TASP1: variants seen among roughly 807,000 people sequenced by gnomAD.
TASP1 encodes the protein taspase 1.
Under a neutral mutation model 56.6 loss-of-function variants are expected in TASP1, and 16 were observed. The observed-to-expected ratio is 0.28, with a 90% CI of 0.19 to 0.43. TASP1 has a LOEUF of 0.43. TASP1 is among the 20% of genes least tolerant of loss of function. The probability of loss-of-function intolerance (pLI) is 1.00; values close to 1 mark genes in which losing one functional copy is unlikely to be tolerated. For missense variants in TASP1, 393 were observed against 511.6 expected, an observed-to-expected ratio of 0.77 and a Z score of 2.24; for synonymous variants, 179 against 184.2, an observed-to-expected ratio of 0.97 and a Z score of 0.23.
chr20:13,246,061 C>T, the TASP1 span, among the ~76,000 whole-genome samples: 6 of 152,108 alleles, frequency 3.9e-5, no homozygotes, highest in East Asian at 3.9e-4. Flanking sequence ...TGAAGTCAGG[C>T]GTTCAAGACC....
At chr20:13,457,212 T>A (rs2043877117) in intron 11 of TASP1, among the ~76,000 whole-genome samples, 1 of 152,058 alleles carries the variant, frequency 6.6e-6, no homozygotes, top group Admixed American at 6.6e-5. Flanking sequence ...ATGGCACATG[T>A]ATACCTGTGT....
chr20:13,152,279 A>T, the TASP1 span, among the ~76,000 whole-genome samples: 1 of 152,182 alleles, frequency 6.6e-6, no homozygotes, highest in Non-Finnish European at 1.5e-5. Context: ...AGAGCTTATA[A>T]CAGTGGTGAC....
intron 11 of TASP1, among the ~76,000 whole-genome samples, chr20:13,452,935 AAAGGCTG>A (rs1444564229): frequency 1.3e-5 from 2 of 152,116 alleles, no homozygotes. Context: ...GGACCTAGAG[AAAGGCTG>A]AAGGCTGCGT....
the TASP1 span, among the ~76,000 whole-genome samples, chr20:13,318,136 A>AAAATAAATAAATAAATAAATAAATAAAT: frequency 3.2e-3 from 458 of 145,130 alleles, 2 homozygotes; most frequent in Non-Finnish European, 5.0e-3. Context: ...GACACTTGAA[A>AAAATAAATAAATAAATAAATAAATAAAT]AAATAAATAA....
the TASP1 span, among the ~76,000 whole-genome samples, chr20:13,292,217 G>A: frequency 1.3e-5 from 2 of 152,154 alleles, no homozygotes; most frequent in Non-Finnish European, 2.9e-5. Context: ...ACTACGACCT[G>A]CTTTTTACTG....
At chr20:13,323,540 T>C in the TASP1 span, among the ~76,000 whole-genome samples, 1 of 152,350 alleles carries the variant, frequency 6.6e-6, no homozygotes, top group East Asian at 1.9e-4. Context: ...AGTATGATAC[T>C]ATTCATATGA....
At chr20:13,114,503 T>C in the TASP1 span, among the ~76,000 whole-genome samples, 2 of 152,170 alleles carry the variant, frequency 1.3e-5, no homozygotes, top group African/African-American at 4.8e-5. Flanking sequence ...AATAGTCAGC[T>C]CTTCTAAAAC....
intron 10 of TASP1, among the ~76,000 whole-genome samples, chr20:13,496,876 TA>T (rs985027596): frequency 6.6e-6 from 1 of 152,118 alleles, no homozygotes; most frequent in African/African-American, 2.4e-5. Flanking sequence ...TCAATAAACC[TA>T]ATTCCAAAAA....
the TASP1 span, among the ~76,000 whole-genome samples, chr20:13,228,352 TATTA>T: frequency 0.025 from 3,791 of 152,296 alleles, 139 homozygotes; most frequent in African/African-American, 0.082. Flanking sequence ...AGAGAGAATT[TATTA>T]ATTATAAACT....
intron 5 of TASP1, among the ~76,000 whole-genome samples, chr20:13,582,581 AT>A (rs1258944926): frequency 6.6e-6 from 1 of 152,202 alleles, no homozygotes; most frequent in African/African-American, 2.4e-5. Flanking sequence ...AGCTATTCTA[AT>A]TAAAAAACAG....
chr20:13,328,252 A>G, the TASP1 span, among the ~76,000 whole-genome samples: 6 of 152,186 alleles, frequency 3.9e-5, no homozygotes, highest in Non-Finnish European at 7.3e-5. Context: ...TAAAACCACA[A>G]TGAGATACCA....
At chr20:13,638,523 G>A (rs1226715456) in intron 1 of TASP1, among the ~76,000 whole-genome samples, 1 of 152,040 alleles carries the variant, frequency 6.6e-6, no homozygotes, top group African/African-American at 2.4e-5. Context: ...CGCCACCCAG[G>A]ACAAGGCGCA....
chr20:13,525,172 C>A (rs1255618220), intron 10 of TASP1, among the ~76,000 whole-genome samples: 4 of 152,104 alleles, frequency 2.6e-5, no homozygotes, highest in Non-Finnish European at 5.9e-5. Flanking sequence ...CAATGAAATA[C>A]AGTAAGTATT....
chr20:13,147,362 G>A, the TASP1 span, among the ~76,000 whole-genome samples: 2 of 152,154 alleles, frequency 1.3e-5, no homozygotes, highest in Non-Finnish European at 2.9e-5. Context: ...GATTCTTGCT[G>A]CTCTGTAGCC....
chr20:13,394,247 C>T (rs1203074801), intron 13 of TASP1, among the ~76,000 whole-genome samples: 2 of 140,640 alleles, frequency 1.4e-5, no homozygotes, highest in African/African-American at 2.9e-5. Flanking sequence ...TCTCACTGCA[C>T]TCCACTGCAC....
chr20:13,202,015 A>G, the TASP1 span, among the ~76,000 whole-genome samples: 1 of 152,076 alleles, frequency 6.6e-6, no homozygotes, highest in Admixed American at 6.6e-5. Context: ...GGCCTTCCAC[A>G]GTGCTGGGAT....
intron 13 of TASP1, among the ~76,000 whole-genome samples, chr20:13,407,032 T>C (rs942474226): frequency 6.6e-6 from 1 of 152,170 alleles, no homozygotes; most frequent in African/African-American, 2.4e-5. Flanking sequence ...ACATATGGGT[T>C]TTCTCCTTTA....
the TASP1 span, among the ~76,000 whole-genome samples, chr20:13,195,030 G>C: frequency 6.6e-6 from 1 of 152,074 alleles, no homozygotes; most frequent in African/African-American, 2.4e-5. Flanking sequence ...TACCATTTGT[G>C]AGGACAGGAC....
intron 8 of TASP1, among the ~76,000 whole-genome samples, chr20:13,557,566 T>G (rs1290917566): frequency 6.7e-6 from 1 of 149,538 alleles, no homozygotes. Context: ...TATTACGATG[T>G]TTTTGGTTTT....
Sources: gnomAD v4.1 joint callset for allele counts (sites outside exome capture counted in the v4.1 genomes callset) on GRCh38, gnomAD v4.1.1 for gene constraint, MANE v1.5 for transcripts, NCBI Gene and HGNC (gene_info 2026-07-23, HGNC 2026-07-21) for gene names.